ZMYND8: variants seen among roughly 807,000 people sequenced by gnomAD.
The protein encoded by ZMYND8 is MYND-type zinc finger-containing chromatin reader ZMYND8.
In ZMYND8, 37 loss-of-function variants were observed where a neutral mutation model predicts 140.8. The ratio of observed to expected loss-of-function variants is 0.26; its 90% confidence interval spans 0.20 to 0.35. The LOEUF (loss-of-function observed/expected upper bound fraction) is 0.35. Ranked by LOEUF, ZMYND8 falls within the 10% of genes least tolerant of loss-of-function variation. The pLI, the probability that ZMYND8 is intolerant of heterozygous loss-of-function variation, is 1.00. For synonymous variants in ZMYND8, 592 were observed against 597.1 expected (o/e 0.99, Z 0.12); for missense variants, 1,068 against 1,570.0 (o/e 0.68, Z 5.40).
intron 13 of ZMYND8, 23 bp downstream of exon 13, chr20:47,249,264 A>C: frequency 6.2e-7 from 1 of 1,604,748 alleles, no homozygotes; most frequent in Non-Finnish European, 8.5e-7. Context: ...TGCTGGAAAA[A>C]AAAAACAAAA....
At chr20:47,331,905 T>G (rs2080983966) in intron 2 of ZMYND8, among the ~76,000 whole-genome samples, 1 of 152,122 alleles carries the variant, frequency 6.6e-6, no homozygotes, top group Admixed American at 6.6e-5. Context: ...ATACAGACGC[T>G]TCTAAGAAGT....
At chr20:47,351,783 T>C (rs1261685091) in intron 1 of ZMYND8, 1 of 985,348 alleles carries the variant, frequency 1.0e-6, no homozygotes, top group East Asian at 1.1e-4. Flanking sequence ...CAACACTGCC[T>C]CATTCCTGTG....
intron 6 of ZMYND8, 130 bp downstream of exon 6, chr20:47,291,666 G>T (rs1158770668): frequency 3.8e-6 from 2 of 530,734 alleles, no homozygotes; most frequent in East Asian, 3.5e-5. Context: ...AAATAAAGGA[G>T]CAATGAAAAT....
At chr20:47,354,908 G>A (rs967257139) in intron 1 of ZMYND8, among the ~76,000 whole-genome samples, 24 of 152,148 alleles carry the variant, frequency 1.6e-4, no homozygotes, top group African/African-American at 5.8e-4. Flanking sequence ...CAGATGTGTG[G>A]AGGAGACCTG....
At chr20:47,307,422 C>A (rs1433898600) in intron 3 of ZMYND8, among the ~76,000 whole-genome samples, 1 of 152,080 alleles carries the variant, frequency 6.6e-6, no homozygotes, top group Non-Finnish European at 1.5e-5. Context: ...TACACCACTG[C>A]ACTCCAGCCT....
chr20:47,262,845 C>T (rs959764823), intron 11 of ZMYND8, among the ~76,000 whole-genome samples: 1 of 152,172 alleles, frequency 6.6e-6, no homozygotes, highest in African/African-American at 2.4e-5. Context: ...AAAGACACCA[C>T]GGCCAGCTCA....
At chr20:47,215,722 G>C (rs976700857) in intron 21 of ZMYND8, among the ~76,000 whole-genome samples, 1 of 152,136 alleles carries the variant, frequency 6.6e-6, no homozygotes, top group Non-Finnish European at 1.5e-5. Context: ...AAGGAGACAG[G>C]ACAGGTCTTA....
In ZMYND8 at chr20:47,290,190, C is replaced by T; in HGVS notation, c.745G>A (p.Gly249Arg). The part of the protein sequence containing the change: ...WILHNCIIYN[G>R]GNHKLTQIAK... ...AGGAGTCATCTAAGCCACTCACCCC[C>T]ATTATAAATGATGCAGTTGTGCAAA... The change falls in exon 7 of 23, where the codon GGG becomes AGG. Residue 249 changes from glycine (G) to arginine (R), a missense_variant. Around this residue, in one of 10 missense-constraint regions of ZMYND8, gnomAD observed 109 missense variants for 314.9 expected, o/e 0.35. Coordinates refer to ENST00000471951, the MANE Select transcript of ZMYND8 (RefSeq NM_001281775.3). The T allele has an allele frequency of 6.2e-7, 1 of 1,613,416 alleles. No homozygotes were observed. Among genetic ancestry groups the T allele is most frequent in the Non-Finnish European group, 8.5e-7 (1 of 1,179,712 alleles).
At position 47,327,075 on chromosome 20, in the gene ZMYND8, A is replaced by T. The variant is rs535304319; in HGVS notation, c.86-16871T>A. 3.3e-5 allele frequency among the ~76,000 whole-genome samples: 5 copies of T among 152,248 alleles called. No individual in the cohort carries two copies. The East Asian group carries it at 9.7e-4, about 30-fold the overall frequency. On this transcript the variant is annotated intron_variant, in intron 2 of 22. Transcript: ENST00000471951. ...TTATTAGGAAGAGAGCACTACTTAC[A>T]GCTGATGCGGTGAACCAGTGATCTG...
chr20:47,261,925 G>C (rs2147554420), intron 12 of ZMYND8, among the ~76,000 whole-genome samples: 1 of 152,158 alleles, frequency 6.6e-6, no homozygotes, highest in African/African-American at 2.4e-5. Flanking sequence ...AGAAAACTTA[G>C]CCAGGTGTGG....
intron 8 of ZMYND8, 97 bp from the exon 9 acceptor site, chr20:47,283,745 A>G: frequency 1.6e-6 from 2 of 1,246,372 alleles, no homozygotes; most frequent in Non-Finnish European, 2.3e-6. Flanking sequence ...AAGATGTTTT[A>G]AAGTCCCATA....
chr20:47,210,979 C>A, intron 22 of ZMYND8, 82 bp from the exon 23 acceptor site: 2 of 1,549,938 alleles, frequency 1.3e-6, no homozygotes, highest in Admixed American at 1.8e-5. Context: ...CCTGCCCCTC[C>A]TGCACAGGAA....
At chr20:47,291,750 T>A (rs1301652791) in intron 6 of ZMYND8, 46 bp downstream of exon 6, 1 of 1,526,362 alleles carries the variant, frequency 6.6e-7, no homozygotes, top group Non-Finnish European at 9.0e-7. Context: ...GCCTTAGGCA[T>A]CTCAACTGTG....
chr20:47,351,431 A>G (rs1236972975), intron 1 of ZMYND8, among the ~76,000 whole-genome samples: 1 of 152,234 alleles, frequency 6.6e-6, no homozygotes, highest in African/African-American at 2.4e-5. Context: ...CAACATGCAC[A>G]AGACTCTGGT....
intron 14 of ZMYND8, among the ~76,000 whole-genome samples, chr20:47,240,100 G>A (rs181946486): frequency 1.4e-5 from 2 of 146,052 alleles, no homozygotes; most frequent in East Asian, 3.9e-4. Context: ...TTAGCCAGAC[G>A]TGGTGGGAAA....
intron 2 of ZMYND8, among the ~76,000 whole-genome samples, chr20:47,330,900 G>C (rs1347472422): frequency 2.0e-5 from 3 of 152,194 alleles, no homozygotes; most frequent in African/African-American, 7.2e-5. Flanking sequence ...AACAGGATGA[G>C]CAAAAACAAA....
intron 8 of ZMYND8, among the ~76,000 whole-genome samples, chr20:47,286,497 CATCT>C (rs970448510): frequency 1.3e-5 from 2 of 152,002 alleles, no homozygotes; most frequent in African/African-American, 4.8e-5. Flanking sequence ...ATCTATCTAT[CATCT>C]ATCTATCTAT....
chr20:47,327,620 C>T (rs766433036), intron 2 of ZMYND8, among the ~76,000 whole-genome samples: 6 of 151,924 alleles, frequency 3.9e-5, no homozygotes, highest in Non-Finnish European at 5.9e-5. Context: ...TGTGCCACTG[C>T]ACTTCAGCCT....
At chr20:47,237,231 C>T (rs2039358404) in intron 15 of ZMYND8, 1 of 151,918 alleles carries the variant, frequency 6.6e-6, no homozygotes, top group Admixed American at 6.6e-5. Context: ...CAACCTCTAC[C>T]TCTGAGGTTC....
Sources: allele counts gnomAD v4.1 joint callset (sites outside exome capture counted in the v4.1 genomes callset), GRCh38; gene constraint gnomAD v4.1.1; regional missense constraint gnomAD v4.1.1; transcripts MANE v1.5; gene names NCBI Gene and HGNC (gene_info 2026-07-23, HGNC 2026-07-21).